Variants in ENPP3 observed in about 807,000 individuals in gnomAD.
ENPP3 encodes the protein ectonucleotide pyrophosphatase/phosphodiesterase family member 3.
ENPP3 carries 104 observed loss-of-function variants against 117.8 expected under a neutral mutation model. The observed-to-expected ratio is 0.88, with a 90% confidence interval of 0.75 to 1.04. The LOEUF (loss-of-function observed/expected upper bound fraction) is 1.04, where lower values mean the gene tolerates loss of function less well. ENPP3 is among the 50% of genes least tolerant of loss of function. ENPP3 has a pLI of 0.00. For synonymous variants in ENPP3, 380 were observed against 349.9 expected, an observed-to-expected ratio of 1.09 and a Z score of -0.96; for missense variants, 1,026 against 1,051.9, an observed-to-expected ratio of 0.98 and a Z score of 0.34.
At chr6:131,659,828 T>C (rs556256071) in intron 6 of ENPP3, among the ~76,000 whole-genome samples, 1 of 152,322 alleles carries the variant, frequency 6.6e-6, no homozygotes, top group Non-Finnish European at 1.5e-5. Context: ...TAAATTTGTC[T>C]TGATAAACTG....
intron 7 of ENPP3, 143 bp from the exon 8 acceptor site, chr6:131,674,019 T>A (rs1778809225): frequency 8.9e-6 from 5 of 560,204 alleles, no homozygotes. Context: ...TCTCCTGATA[T>A]GTAAGTTCAG....
chr6:131,652,865 A>G lies in ENPP3; in HGVS notation c.438A>G (p.Thr146=). 1 of 1,613,464 alleles carries G rather than the reference A, an allele frequency of 6.2e-7. No individual in the cohort carries two copies. Among genetic ancestry groups the G allele is most frequent in the Non-Finnish European group, 8.5e-7 (1 of 1,179,422 alleles). ...CATGGCTGGAAGAAAACTGTGACAC[A>G]GCCCAGCAGTCTCAGTGCCCAGAAG... ...ETSWLEENCD[T]AQQSQCPEGF... is the part of the protein sequence containing the mutation. The change falls in exon 5 of 25, where the codon ACA becomes ACG. Residue 146 remains threonine (T), a synonymous_variant. Coordinates refer to ENST00000357639, the MANE Select transcript of ENPP3 (RefSeq NM_005021.5).
chr6:131,675,962 G>A lies in ENPP3; in HGVS notation c.872+773G>A, dbSNP rs537194212. Among the ~76,000 whole-genome samples the A allele has an allele frequency of 3.9e-5, 6 of 152,312 alleles. No individual in the cohort carries two copies. In the East Asian group the frequency reaches 1.2e-3, roughly 29 times the overall value. On this transcript the variant is annotated intron_variant, in intron 9 of 24. Coordinates refer to ENST00000357639, the MANE Select transcript of ENPP3 (RefSeq NM_005021.5). The stretch of plus-strand genomic sequence containing the variant: ...GTAAAAGCTTACAAGGCCCTGTGTG[G>A]CATGACCTCTGGTGTCCCCTTACCT...
intron 4 of ENPP3, 52 bp downstream of exon 4, chr6:131,652,719 A>C: frequency 6.2e-7 from 1 of 1,611,438 alleles, no homozygotes; most frequent in African/African-American, 1.3e-5. Context: ...GAGGAACTCC[A>C]TGAGTTTCCT....
In ENPP3 at chr6:131,675,130, G is replaced by T; in HGVS notation, c.813G>T (p.Trp271Cys). 1 of 1,613,814 alleles carries T rather than the reference G, an allele frequency of 6.2e-7. No homozygotes were observed. Among genetic ancestry groups the T allele is most frequent in the Non-Finnish European group, 8.5e-7 (1 of 1,179,826 alleles). Residue 271 changes from tryptophan (W) to cysteine (C), a missense_variant, in exon 9 of 25, where the codon TGG becomes TGT. By Grantham distance (215) the Trp-to-Cys change is radical. Coordinates refer to ENST00000357639, the MANE Select transcript of ENPP3 (RefSeq NM_005021.5). ...GTTTAAAAGCCGCTACCTACTTTTG[G>T]CCCGGATCAGAAGTGGCTATAAATG... The part of the protein sequence containing the change: ...YQGLKAATYF[W>C]PGSEVAINGS...
At chr6:131,745,659 A>T (rs1025066571) in intron 24 of ENPP3, among the ~76,000 whole-genome samples, 1 of 152,174 alleles carries the variant, frequency 6.6e-6, no homozygotes, top group Admixed American at 6.5e-5. Flanking sequence ...TGCATAAATA[A>T]ACAATAGTCA....
chr6:131,727,946 G>A (rs1307442233), intron 20 of ENPP3, among the ~76,000 whole-genome samples: 2 of 152,116 alleles, frequency 1.3e-5, no homozygotes, highest in African/African-American at 4.8e-5. Context: ...AAAATTTTTG[G>A]AGAAAGATAA....
intron 15 of ENPP3, among the ~76,000 whole-genome samples, chr6:131,696,277 C>A (rs775223330): frequency 1.3e-5 from 2 of 152,126 alleles, no homozygotes; most frequent in Non-Finnish European, 2.9e-5. Context: ...TTTTTAAGAA[C>A]TAGAGATAAC....
chr6:131,688,265 T>A (rs9483320), intron 14 of ENPP3, among the ~76,000 whole-genome samples: 7,530 of 152,242 alleles, frequency 0.049, 349 homozygotes, highest in African/African-American at 0.12. Flanking sequence ...CCCGTCCCCC[T>A]CCTCGCTTCT....
intron 6 of ENPP3, among the ~76,000 whole-genome samples, chr6:131,666,159 G>C (rs982617196): frequency 6.6e-6 from 1 of 151,848 alleles, no homozygotes; most frequent in Non-Finnish European, 1.5e-5. Context: ...ATGCATACTT[G>C]AGAAAAACAT....
At chr6:131,641,575 CT>C (rs1208681808) in intron 2 of ENPP3, 45 bp downstream of exon 2, 1 of 1,202,448 alleles carries the variant, frequency 8.3e-7, no homozygotes, top group African/African-American at 1.5e-5. Context: ...TATTTCTTCT[CT>C]CTTCTGGCCT....
At chr6:131,637,531 T>C in intron 1 of ENPP3, 69 bp downstream of exon 1, 1 of 862,868 alleles carries the variant, frequency 1.2e-6, no homozygotes, top group Non-Finnish European at 1.8e-6. Context: ...GATTTCCCAT[T>C]TACATTTCTT....
intron 5 of ENPP3, 89 bp from the exon 6 acceptor site, chr6:131,658,233 CT>C (rs1369614758): frequency 1.4e-6 from 1 of 727,330 alleles, no homozygotes; most frequent in African/African-American, 1.8e-5. Context: ...ATTATTTTAC[CT>C]TAAACACAGG....
At chr6:131,672,920 T>G (rs1037244292) in intron 7 of ENPP3, among the ~76,000 whole-genome samples, 1 of 152,070 alleles carries the variant, frequency 6.6e-6, no homozygotes, top group African/African-American at 2.4e-5. Flanking sequence ...GCAGGGAAGA[T>G]GGATAGAGAC....
chr6:131,645,949 T>G (rs1197702682), intron 2 of ENPP3, among the ~76,000 whole-genome samples: 1 of 152,168 alleles, frequency 6.6e-6, no homozygotes, highest in East Asian at 1.9e-4. Context: ...ATAATATGAT[T>G]TCTTTCATAA....
At chr6:131,690,269 A>G (rs1158894150) in intron 14 of ENPP3, among the ~76,000 whole-genome samples, 1 of 152,182 alleles carries the variant, frequency 6.6e-6, no homozygotes, top group African/African-American at 2.4e-5. Flanking sequence ...TACTTTGTGA[A>G]AGGCAGGGTC....
chr6:131,645,040 C>T (rs1778126907), intron 2 of ENPP3, among the ~76,000 whole-genome samples: 1 of 152,140 alleles, frequency 6.6e-6, no homozygotes, highest in South Asian at 2.1e-4. Context: ...ATCAGAATTG[C>T]CATGCATACA....
chr6:131,701,909 A>G (rs1270068730), intron 15 of ENPP3, among the ~76,000 whole-genome samples: 32 of 151,828 alleles, frequency 2.1e-4, no homozygotes, highest in African/African-American at 6.8e-4. Context: ...GAAAAGAAAA[A>G]AAAAACGCGT....
chr6:131,671,194 C>A, intron 6 of ENPP3, 54 bp from the exon 7 acceptor site: 2 of 984,904 alleles, frequency 2.0e-6, no homozygotes, highest in Non-Finnish European at 1.6e-6. Flanking sequence ...TTTTAGTTAT[C>A]CAAAAAACTG....
Sources: allele counts gnomAD v4.1 joint callset (sites outside exome capture counted in the v4.1 genomes callset), GRCh38; gene constraint gnomAD v4.1.1; transcripts MANE v1.5; gene names NCBI Gene and HGNC (gene_info 2026-07-23, HGNC 2026-07-21).